ROR1: variants seen among roughly 807,000 people sequenced by gnomAD.
ROR1 encodes inactive tyrosine-protein kinase transmembrane receptor ROR1.
In ROR1, 19 loss-of-function variants were observed where a neutral mutation model predicts 78.8. That is an observed-to-expected ratio of 0.24 (90% CI 0.17 to 0.35). ROR1 has a LOEUF of 0.35. Among genes scored for constraint, ROR1 ranks in the 10% least tolerant of loss-of-function variants. The probability of loss-of-function intolerance (pLI) is 1.00; values close to 1 mark genes in which losing one functional copy is unlikely to be tolerated. For missense variants in ROR1, 917 were observed against 1,177.8 expected (o/e 0.78, Z 3.24); for synonymous variants, 386 against 433.6 (o/e 0.89, Z 1.36).
chr1:63,800,545 T>C (rs112945862), intron 1 of ROR1, among the ~76,000 whole-genome samples: 2 of 152,236 alleles, frequency 1.3e-5, no homozygotes, highest in African/African-American at 4.8e-5. Flanking sequence ...AAGGCAATGA[T>C]GTTCTGAATG....
intron 4 of ROR1, among the ~76,000 whole-genome samples, chr1:64,107,980 A>C (rs1256033635): frequency 6.6e-6 from 1 of 152,024 alleles, no homozygotes; most frequent in Admixed American, 6.6e-5. Context: ...TGACATGTTT[A>C]ATTATTTTAT....
rs1374799931 is a variant in ROR1 at position 64,041,376 on chromosome 1, A to C, written c.164-8315A>C. Among the ~76,000 whole-genome samples, 3 of 152,218 alleles carry C rather than the reference A, an allele frequency of 2.0e-5. No individual in the cohort carries two copies. The South Asian group carries it at 6.2e-4, about 32-fold the overall frequency. ...TTGGTAGAGATCTTTTCTTAAAAGGAAAAAGTAGTTTCCCTGAGCTTTTAA... is the reference window on the plus strand; with the variant it reads ...TTGGTAGAGATCTTTTCTTAAAAGGCAAAAGTAGTTTCCCTGAGCTTTTAA... On this transcript the variant is annotated intron_variant, in intron 2 of 8. Coordinates refer to ENST00000371079, the MANE Select transcript of ROR1 (RefSeq NM_005012.4).
intron 1 of ROR1, among the ~76,000 whole-genome samples, chr1:63,918,455 T>C (rs1645627353): frequency 6.6e-6 from 1 of 152,140 alleles, no homozygotes; most frequent in African/African-American, 2.4e-5. Flanking sequence ...TTTAAACCAC[T>C]CTTTATGAAG....
chr1:63,900,065 A>G (rs950274847), intron 1 of ROR1, among the ~76,000 whole-genome samples: 3 of 152,042 alleles, frequency 2.0e-5, no homozygotes, highest in African/African-American at 7.2e-5. Context: ...TTGTAAGACA[A>G]GTCTGTTTAC....
At chr1:63,864,210 G>A (rs1388111780) in intron 1 of ROR1, among the ~76,000 whole-genome samples, 2 of 152,188 alleles carry the variant, frequency 1.3e-5, no homozygotes, top group African/African-American at 4.8e-5. Context: ...GATGGAGGCA[G>A]GATTCAAACT....
At chr1:63,919,209 T>C in intron 1 of ROR1, among the ~76,000 whole-genome samples, 1 of 152,172 alleles carries the variant, frequency 6.6e-6, no homozygotes, top group East Asian at 1.9e-4. Context: ...TGCATTATAT[T>C]GACACATTGA....
At chr1:63,805,640 T>A (rs1230216353) in intron 1 of ROR1, among the ~76,000 whole-genome samples, 1 of 152,200 alleles carries the variant, frequency 6.6e-6, no homozygotes, top group Non-Finnish European at 1.5e-5. Context: ...AAGTTTGACA[T>A]GTTTTGTCGT....
intron 7 of ROR1, chr1:64,143,084 G>A (rs536340801): frequency 9.8e-6 from 10 of 1,021,868 alleles, no homozygotes; most frequent in South Asian, 7.9e-5. Context: ...ACCATTACTC[G>A]GTCATCCAGG....
intron 2 of ROR1, among the ~76,000 whole-genome samples, 163 bp from the exon 3 acceptor site, chr1:64,049,528 C>T (rs903769974): frequency 6.6e-6 from 1 of 151,938 alleles, no homozygotes; most frequent in Non-Finnish European, 1.5e-5. Context: ...TTTAGCAGTC[C>T]TCTGGTCTTA....
intron 4 of ROR1, among the ~76,000 whole-genome samples, chr1:64,087,357 G>C (rs11208349): frequency 6.6e-6 from 1 of 152,224 alleles, no homozygotes; most frequent in African/African-American, 2.4e-5. Flanking sequence ...TATACAAAAC[G>C]TAAGTACGAA....
intron 1 of ROR1, among the ~76,000 whole-genome samples, chr1:63,776,725 T>C (rs1441902413): frequency 6.6e-6 from 1 of 152,190 alleles, no homozygotes; most frequent in East Asian, 1.9e-4. Context: ...TCTTTCCTTT[T>C]CTGAGTATAA....
At chr1:63,811,748 T>C (rs550741444) in intron 1 of ROR1, among the ~76,000 whole-genome samples, 1 of 152,274 alleles carries the variant, frequency 6.6e-6, no homozygotes, top group Admixed American at 6.5e-5. Flanking sequence ...GTGTTTCTTA[T>C]GACATTGATA....
chr1:64,081,472 T>C (rs191890090), intron 4 of ROR1, among the ~76,000 whole-genome samples: 59 of 152,192 alleles, frequency 3.9e-4, no homozygotes, highest in Non-Finnish European at 6.9e-4. Flanking sequence ...ATGCTTGTGC[T>C]CTAATGTCAA....
intron 1 of ROR1, among the ~76,000 whole-genome samples, chr1:63,997,591 T>C (rs1358816508): frequency 6.6e-6 from 1 of 152,192 alleles, no homozygotes; most frequent in Non-Finnish European, 1.5e-5. Context: ...TAAAGCTTTT[T>C]GTGTTTTTCA....
Position 63,920,632 on chromosome 1 carries a change from C to T in ROR1, c.92-88673C>T, listed in dbSNP as rs369182105. ...AGATATGAGGAAGTGCTTTGCTTTT[C>T]GCTACTCTGCCAAACATAGTTTACA... On this transcript the variant is annotated intron_variant, in intron 1 of 8. Transcript: ENST00000371079. Among the ~76,000 whole-genome samples the T allele has an allele frequency of 3.9e-5, 6 of 152,318 alleles. No homozygotes were observed. The East Asian group carries it at 7.7e-4, about 20-fold the overall frequency.
chr1:64,088,696 T>C (rs1647172695), intron 4 of ROR1, among the ~76,000 whole-genome samples: 2 of 152,150 alleles, frequency 1.3e-5, no homozygotes, highest in African/African-American at 2.4e-5. Flanking sequence ...GTGACATAAA[T>C]AATTAAATCA....
chr1:64,125,224 ATGCAC>A (rs1198678122), intron 4 of ROR1, among the ~76,000 whole-genome samples: 2 of 152,216 alleles, frequency 1.3e-5, no homozygotes, highest in Non-Finnish European at 2.9e-5. Flanking sequence ...AAGTAGATAG[ATGCAC>A]TGTTAAACTT....
rs112803809 is a variant in ROR1, at chr1:64,049,178, T to C, written c.164-513T>C. Among the ~76,000 whole-genome samples, 589 of 152,336 alleles carry C rather than the reference T, an allele frequency of 3.9e-3. 7 individuals are homozygous for C. The highest frequency in any genetic ancestry group is 0.013 in the African/African-American group (560 of 41,574). On this transcript the variant is annotated intron_variant, in intron 2 of 8. Transcript: ENST00000371079. ...GGCCTTCATAACCTTATATTGTCAG[T>C]AACATGAAAGTTTCAGGCATCCTTT... is the stretch of plus-strand genomic sequence containing the variant.
Position 64,065,332 on chromosome 1 carries a change from G to A in ROR1, c.482+14616G>A, listed in dbSNP as rs192304596. ...GTCTGCTATACCAGCTGTCCTTATTGTGGGGAGATGATCAGTTGATGAACT... is the reference window on the plus strand; with the variant it reads ...GTCTGCTATACCAGCTGTCCTTATTATGGGGAGATGATCAGTTGATGAACT... On this transcript the variant is annotated intron_variant, in intron 4 of 8. Coordinates refer to ENST00000371079, the MANE Select transcript of ROR1 (RefSeq NM_005012.4). 2.7e-3 allele frequency among the ~76,000 whole-genome samples: 413 copies of A among 152,348 alleles called. 6 individuals are homozygous for A. Among genetic ancestry groups the A allele is most frequent in the East Asian group, 4.6e-3 (24 of 5,196 alleles).
Sources: gnomAD v4.1 joint callset for allele counts (sites outside exome capture counted in the v4.1 genomes callset) on GRCh38, gnomAD v4.1.1 for gene constraint, MANE v1.5 for transcripts, NCBI Gene and HGNC (gene_info 2026-07-23, HGNC 2026-07-21) for gene names.